Variants in CCDC171 observed in about 807,000 individuals in gnomAD.
CCDC171 encodes the protein coiled-coil domain-containing protein 171.
In CCDC171, 177 loss-of-function variants were observed where a neutral mutation model predicts 168.2. The observed-to-expected ratio is 1.05, with a 90% CI of 0.93 to 1.19. The LOEUF (loss-of-function observed/expected upper bound fraction) is 1.19, where lower values mean the gene tolerates loss of function less well. Ranked by LOEUF, CCDC171 falls within the 50% of genes most tolerant of loss-of-function variation. The probability of loss-of-function intolerance (pLI) is 0.00; values close to 1 mark genes in which losing one functional copy is unlikely to be tolerated. For missense variants in CCDC171, 1,991 were observed against 1,539.0 expected, an observed-to-expected ratio of 1.29 and a Z score of -4.91; for synonymous variants, 687 against 540.8, an observed-to-expected ratio of 1.27 and a Z score of -3.75.
chr9:16,044,664 T>C (rs148885924), intron 1 of CCDC171, among the ~76,000 whole-genome samples: 3 of 152,166 alleles, frequency 2.0e-5, no homozygotes, highest in Non-Finnish European at 4.4e-5. Flanking sequence ...ATTGGAGACA[T>C]TTGCAGCCAT....
At chr9:15,971,436 A>G (rs1831344829) in intron 25 of CCDC171, among the ~76,000 whole-genome samples, 173 bp from the exon 26 acceptor site, 1 of 152,190 alleles carries the variant, frequency 6.6e-6, no homozygotes, top group Non-Finnish European at 1.5e-5. Context: ...ATTCAGTCAC[A>G]CTTGATAAAT....
chr9:15,711,470 CTTA>C (rs1365716115), intron 11 of CCDC171, among the ~76,000 whole-genome samples: 1 of 151,962 alleles, frequency 6.6e-6, no homozygotes, highest in East Asian at 1.9e-4. Context: ...TAGGCTTGTT[CTTA>C]TTATTTCTCT....
chr9:15,834,655 A>G (rs1038053618), intron 21 of CCDC171, among the ~76,000 whole-genome samples: 1 of 152,220 alleles, frequency 6.6e-6, no homozygotes, highest in Non-Finnish European at 1.5e-5. Flanking sequence ...CAGAAAATGT[A>G]TAAAGTAGTA....
At chr9:15,677,835 G>A (rs1395236868) in intron 9 of CCDC171, among the ~76,000 whole-genome samples, 1 of 117,972 alleles carries the variant, frequency 8.5e-6, no homozygotes, top group Non-Finnish European at 1.7e-5. Flanking sequence ...ACACACAAAT[G>A]GCTGTGTGTG....
chr9:16,005,940 C>T (rs531331247), intron 3 of CCDC171, among the ~76,000 whole-genome samples: 4 of 151,898 alleles, frequency 2.6e-5, no homozygotes, highest in South Asian at 4.2e-4. Context: ...GATGGAGTCT[C>T]GTCTCACCTC....
intron 11 of CCDC171, among the ~76,000 whole-genome samples, chr9:15,712,289 A>AT (rs2052727020): frequency 6.6e-6 from 1 of 152,188 alleles, no homozygotes; most frequent in Non-Finnish European, 1.5e-5. Context: ...AGTCAGGCTG[A>AT]TAAAAAATTC....
At chr9:15,880,091 G>C (rs950564089) in intron 24 of CCDC171, among the ~76,000 whole-genome samples, 19 of 152,266 alleles carry the variant, frequency 1.2e-4, no homozygotes, top group Admixed American at 6.5e-4. Flanking sequence ...GAGTTGCTAA[G>C]TTTTAGTCTA....
At chr9:16,020,403 G>T (rs545036973) in intron 3 of CCDC171, among the ~76,000 whole-genome samples, 37 of 152,262 alleles carry the variant, frequency 2.4e-4, no homozygotes, top group Non-Finnish European at 3.8e-4. Context: ...AACCATATAT[G>T]CTATGCATGA....
Position 15,917,777 on chromosome 9 carries a change from G to C in CCDC171, c.3601-2493G>C, listed in dbSNP as rs114138034. Among the ~76,000 whole-genome samples the C allele has an allele frequency of 5.4e-3, 813 of 151,754 alleles. 8 individuals are homozygous for C. Among genetic ancestry groups the C allele is most frequent in the African/African-American group, 0.018 (767 of 41,476 alleles). On this transcript the variant is annotated intron_variant, in intron 24 of 25. Transcript: ENST00000380701. ...AAATATTAAAGGTCAATTCTCTTGTGACTTACAGTGAAATAATAATCCAGG... is the reference window on the plus strand; with the variant it reads ...AAATATTAAAGGTCAATTCTCTTGTCACTTACAGTGAAATAATAATCCAGG...
intron 25 of CCDC171, among the ~76,000 whole-genome samples, chr9:15,944,953 C>T (rs1202185612): frequency 1.4e-4 from 21 of 150,010 alleles, no homozygotes; most frequent in Admixed American, 1.3e-4. Flanking sequence ...CATATGTATA[C>T]ATGTGCCATG....
intron 25 of CCDC171, among the ~76,000 whole-genome samples, chr9:15,934,269 A>AG (rs1826849610): frequency 6.6e-6 from 1 of 151,486 alleles, no homozygotes; most frequent in Non-Finnish European, 1.5e-5. Context: ...ATGTGCTTGT[A>AG]TTCCTGACTA....
At position 15,960,706 on chromosome 9, in the gene CCDC171, G is replaced by C. The variant is rs190971058; in HGVS notation, c.3754-10903G>C. ...TTTTAGAACATGTGCCCCAGTGCTT[G>C]TTGTGATTTGAAGGCATTCTGCAGA... On this transcript the variant is annotated intron_variant, in intron 25 of 25. Transcript: ENST00000380701. Among the ~76,000 whole-genome samples, 4 of 152,296 alleles carry C rather than the reference G, an allele frequency of 2.6e-5. No individual in the cohort carries two copies. In the East Asian group the frequency reaches 7.7e-4, roughly 29 times the overall value.
chr9:15,988,783 C>A (rs1832085046), intron 3 of CCDC171, among the ~76,000 whole-genome samples: 1 of 152,222 alleles, frequency 6.6e-6, no homozygotes, highest in South Asian at 2.1e-4. Flanking sequence ...GAGATTATAT[C>A]CCGCGCCTGG....
chr9:16,056,564 T>A (rs968542414), intron 1 of CCDC171, among the ~76,000 whole-genome samples: 2 of 151,948 alleles, frequency 1.3e-5, no homozygotes, highest in African/African-American at 4.8e-5. Flanking sequence ...CTCGGCTCAC[T>A]GCAACCTCCG....
chr9:15,674,788 T>G (rs2049393811), intron 9 of CCDC171, among the ~76,000 whole-genome samples: 1 of 152,180 alleles, frequency 6.6e-6, no homozygotes, highest in Non-Finnish European at 1.5e-5. Context: ...AATTATGTGG[T>G]CAATTTTAGA....
chr9:15,565,175 G>A (rs1220398494), intron 2 of CCDC171, among the ~76,000 whole-genome samples: 4 of 144,052 alleles, frequency 2.8e-5, no homozygotes, highest in Admixed American at 1.5e-4. Flanking sequence ...TGCAACCTCC[G>A]CCTCCCGAGT....
chr9:15,613,969 A>C (rs1195257377), intron 6 of CCDC171, among the ~76,000 whole-genome samples: 2 of 152,222 alleles, frequency 1.3e-5, no homozygotes, highest in Non-Finnish European at 2.9e-5. Context: ...TGGTCAGCTA[A>C]TGAATGGACA....
chr9:15,644,771 C>T (rs1290000898), intron 7 of CCDC171, among the ~76,000 whole-genome samples: 1 of 152,340 alleles, frequency 6.6e-6, no homozygotes, highest in African/African-American at 2.4e-5. Context: ...GAGCCCACCG[C>T]AGCCCAAGGA....
chr9:15,559,824 G>C (rs941103072), intron 1 of CCDC171, among the ~76,000 whole-genome samples: 1 of 151,960 alleles, frequency 6.6e-6, no homozygotes, highest in African/African-American at 2.4e-5. Flanking sequence ...TTTTTCCTAG[G>C]CTCGATGGTC....
Sources: allele counts gnomAD v4.1 joint callset (sites outside exome capture counted in the v4.1 genomes callset), GRCh38; gene constraint gnomAD v4.1.1; transcripts MANE v1.5; gene names NCBI Gene and HGNC (gene_info 2026-07-23, HGNC 2026-07-21).